The following CEP63 variants were observed in gnomAD, a reference collection of about 807,000 sequenced individuals.
The protein encoded by CEP63 is centrosomal protein of 63 kDa.
Under a neutral mutation model 89.1 loss-of-function variants are expected in CEP63, and 84 were observed. That is an observed-to-expected ratio of 0.94 (90% CI 0.79 to 1.13). CEP63 has a LOEUF of 1.13. CEP63 is among the 50% of genes most tolerant of loss of function. The pLI is 0.00. For missense variants in CEP63, 838 were observed against 813.3 expected (o/e 1.03, Z -0.37); for synonymous variants, 267 against 272.5 (o/e 0.98, Z 0.20).
intron 3 of CEP63, among the ~76,000 whole-genome samples, chr3:134,520,051 T>G (rs1195745531): frequency 3.9e-5 from 6 of 152,158 alleles, no homozygotes; most frequent in African/African-American, 7.2e-5. Context: ...CACCACTTTT[T>G]TTGTTGTTGT....
At chr3:134,758,599 TG>T in the CEP63 span, among the ~76,000 whole-genome samples, 44 of 152,208 alleles carry the variant, frequency 2.9e-4, no homozygotes, top group Non-Finnish European at 4.8e-4. Context: ...TTTAACATTT[TG>T]CAGGTATTTA....
intron 3 of CEP63, among the ~76,000 whole-genome samples, chr3:134,522,668 C>T (rs1056494995): frequency 2.6e-5 from 4 of 151,978 alleles, no homozygotes; most frequent in African/African-American, 4.8e-5. Flanking sequence ...GTGTCCCATG[C>T]GTTCTCATCA....
chr3:134,519,533 C>T (rs1256663234), intron 3 of CEP63, among the ~76,000 whole-genome samples: 1 of 152,132 alleles, frequency 6.6e-6, no homozygotes, highest in Non-Finnish European at 1.5e-5. Context: ...AAATAAGTAA[C>T]ATGAATTTTA....
At chr3:134,764,582 A>G in the CEP63 span, among the ~76,000 whole-genome samples, 1 of 152,168 alleles carries the variant, frequency 6.6e-6, no homozygotes, top group Non-Finnish European at 1.5e-5. Flanking sequence ...CTTTGGAAAG[A>G]GCTTGCTCAC....
At chr3:134,605,615 T>C in the CEP63 span, among the ~76,000 whole-genome samples, 1 of 152,010 alleles carries the variant, frequency 6.6e-6, no homozygotes, top group Non-Finnish European at 1.5e-5. Flanking sequence ...TCAAAAGCTG[T>C]CCCAACCCTG....
At chr3:134,516,878 T>C (rs1184136992) in intron 3 of CEP63, among the ~76,000 whole-genome samples, 1 of 152,180 alleles carries the variant, frequency 6.6e-6, no homozygotes, top group Non-Finnish European at 1.5e-5. Context: ...GATCTCTCTT[T>C]CCTTTCCCCA....
At chr3:134,770,698 G>A in the CEP63 span, among the ~76,000 whole-genome samples, 2 of 152,060 alleles carry the variant, frequency 1.3e-5, no homozygotes, top group East Asian at 1.9e-4. Context: ...AGTTGATGAG[G>A]GGTGAGATAA....
the CEP63 span, chr3:134,651,652 C>T: frequency 3.1e-6 from 3 of 968,032 alleles, no homozygotes; most frequent in Non-Finnish European, 3.7e-6. Flanking sequence ...GAACTTGGAA[C>T]ATGCCCATTG....
the CEP63 span, among the ~76,000 whole-genome samples, chr3:134,694,477 C>T: frequency 2.0e-5 from 3 of 152,224 alleles, no homozygotes; most frequent in African/African-American, 7.2e-5. Context: ...CATCTTCACT[C>T]TTCTTCATTC....
the CEP63 span, among the ~76,000 whole-genome samples, chr3:134,775,930 G>C: frequency 6.6e-6 from 1 of 152,100 alleles, no homozygotes; most frequent in Non-Finnish European, 1.5e-5. Context: ...ACCCCTCCCG[G>C]TCTCTGCATC....
the CEP63 span, among the ~76,000 whole-genome samples, chr3:134,772,143 G>A: frequency 2.0e-5 from 3 of 152,200 alleles, no homozygotes; most frequent in Non-Finnish European, 2.9e-5. Flanking sequence ...ACCCAGCCAG[G>A]CCTGTCTGAA....
the CEP63 span, among the ~76,000 whole-genome samples, chr3:134,665,563 C>G: frequency 6.6e-6 from 1 of 152,204 alleles, no homozygotes; most frequent in African/African-American, 2.4e-5. Context: ...GGCCTCTGGC[C>G]AAGGCCTGAC....
intron 1 of CEP63, 151 bp from the exon 2 acceptor site, chr3:134,495,145 G>A: frequency 1.5e-6 from 1 of 646,010 alleles, no homozygotes; most frequent in Non-Finnish European, 2.8e-6. Context: ...TTCCTGAAGT[G>A]ATGTTCTTTG....
At chr3:134,519,625 C>T (rs1368646989) in intron 3 of CEP63, among the ~76,000 whole-genome samples, 1 of 152,158 alleles carries the variant, frequency 6.6e-6, no homozygotes, top group East Asian at 1.9e-4. Flanking sequence ...TATTTCAAAA[C>T]TTAACAAGGA....
At chr3:134,732,351 A>G in the CEP63 span, among the ~76,000 whole-genome samples, 1 of 152,194 alleles carries the variant, frequency 6.6e-6, no homozygotes, top group Non-Finnish European at 1.5e-5. Context: ...TTTCCTTCTG[A>G]ATTAAATACA....
At chr3:134,629,055 G>A in the CEP63 span, among the ~76,000 whole-genome samples, 2 of 152,216 alleles carry the variant, frequency 1.3e-5, no homozygotes, top group African/African-American at 4.8e-5. Flanking sequence ...GGAGAGGACC[G>A]AGAAGGGAGT....
At chr3:134,571,218 C>T (rs1957996681) in intron 11 of CEP63, among the ~76,000 whole-genome samples, 1 of 152,248 alleles carries the variant, frequency 6.6e-6, no homozygotes, top group South Asian at 2.1e-4. Context: ...AGTGCCCTCT[C>T]TCCCTCCCAC....
the CEP63 span, among the ~76,000 whole-genome samples, chr3:134,741,555 C>A: frequency 2.0e-5 from 3 of 152,188 alleles, no homozygotes; most frequent in African/African-American, 4.8e-5. Context: ...GTGCCATGTC[C>A]TTTCAAGGAA....
In CEP63 at chr3:134,507,132, C is replaced by G; in HGVS notation, c.68C>G (p.Ala23Gly). 1.9e-6 allele frequency: 3 copies of G among 1,613,008 alleles called. No individual in the cohort carries two copies. In the Middle Eastern group the frequency reaches 5.0e-4, roughly 266 times the overall value. ...AGGGGATTTTTGACATCTTGTGAAG[C>G]AGAACTACAGGAGCTCATGAAACAG... Reference protein sequence around the residue: ...HGGGFLTSCEAELQELMKQID... With the variant: ...HGGGFLTSCEGELQELMKQID... Residue 23 changes from alanine to glycine, a missense_variant, in exon 3 of 15, where the codon GCA becomes GGA. Coordinates refer to ENST00000675561, the MANE Select transcript of CEP63 (RefSeq NM_001353108.3).
Sources: gnomAD v4.1 joint callset for allele counts (sites outside exome capture counted in the v4.1 genomes callset) on GRCh38, gnomAD v4.1.1 for gene constraint, MANE v1.5 for transcripts, NCBI Gene and HGNC (gene_info 2026-07-23, HGNC 2026-07-21) for gene names.